MGAT4C: variants seen among roughly 807,000 people sequenced by gnomAD.
The protein encoded by MGAT4C is MGAT4 family member C, also known as alpha-1,3-mannosyl-glycoprotein 4-beta-N-acetylglucosaminyltransferase C.
In MGAT4C, 19 loss-of-function variants were observed where a neutral mutation model predicts 40.1. That is an observed-to-expected ratio of 0.47 (90% CI 0.33 to 0.70). The LOEUF is 0.70. Among genes scored for constraint, MGAT4C ranks in the 30% least tolerant of loss-of-function variants. The pLI is 0.02. For synonymous variants in MGAT4C, 181 were observed against 187.1 expected (o/e 0.97, Z 0.27); for missense variants, 491 against 563.2 (o/e 0.87, Z 1.30).
intron 2 of MGAT4C, among the ~76,000 whole-genome samples, chr12:86,724,615 G>A (rs1275575747): frequency 6.6e-6 from 1 of 152,034 alleles, no homozygotes; most frequent in African/African-American, 2.4e-5. Flanking sequence ...GTGACATATT[G>A]GTTCATTCAT....
rs1457735654 is a variant in MGAT4C, at chr12:86,573,718, T to C, written c.-228-138453A>G. ...AGCAATATCTGTTTTAATTTAGGTG[T>C]TCTGGAAAAGAGTTCCTCAAGTGCA... On this transcript the variant is annotated intron_variant, in intron 2 of 7. Coordinates refer to the MGAT4C transcript ENST00000548651. Among the ~76,000 whole-genome samples, 11 of 152,086 alleles carry C rather than the reference T, an allele frequency of 7.2e-5. No individual in the cohort carries two copies. In the East Asian group the frequency reaches 1.4e-3, roughly 19 times the overall value.
At chr12:86,657,665 T>A (rs550242042) in intron 2 of MGAT4C, among the ~76,000 whole-genome samples, 1 of 151,818 alleles carries the variant, frequency 6.6e-6, no homozygotes, top group Non-Finnish European at 1.5e-5. Context: ...ATAACTAGCA[T>A]GGGAGCAATT....
Position 86,378,662 on chromosome 12 carries a change from C to T in MGAT4C, c.-119-44535G>A, listed in dbSNP as rs1018835607. Among the ~76,000 whole-genome samples the T allele has an allele frequency of 4.6e-5, 7 of 152,038 alleles. No homozygotes were observed. In the South Asian group the frequency reaches 8.3e-4, roughly 18 times the overall value. ...ACAGAAAGTTTGAATTATAGAGATC[C>T]GAATTCAATATGATTTATTTACAGG... On this transcript the variant is annotated intron_variant, in intron 3 of 7. Coordinates refer to the MGAT4C transcript ENST00000548651.
Position 86,528,579 on chromosome 12 carries a change from T to G in MGAT4C, c.-228-93314A>C, listed in dbSNP as rs138594972. On this transcript the variant is annotated intron_variant, in intron 2 of 7. Transcript: ENST00000548651. ...TATTAATATTAAAGTGTTGTATATT[T>G]TGCTGATGACTGGTAGAAAATTAAT... Among the ~76,000 whole-genome samples the G allele has an allele frequency of 3.2e-3, 493 of 152,202 alleles. 5 individuals carry two copies. The highest frequency in any genetic ancestry group is 0.011 in the African/African-American group (464 of 41,580).
chr12:86,321,852 ACCCAGGCAT>A (rs1954397282), intron 4 of MGAT4C, among the ~76,000 whole-genome samples: 1 of 152,118 alleles, frequency 6.6e-6, no homozygotes, highest in South Asian at 2.1e-4. Flanking sequence ...ATACCATTTG[ACCCAGGCAT>A]CCCATTACTG....
chr12:86,423,322 C>T (rs1432022479), intron 3 of MGAT4C, among the ~76,000 whole-genome samples: 1 of 151,330 alleles, frequency 6.6e-6, no homozygotes, highest in South Asian at 2.1e-4. Flanking sequence ...TTATTATTGT[C>T]ATTTAACATA....
chr12:86,552,540 CAAAG>C (rs1337105085), intron 2 of MGAT4C, among the ~76,000 whole-genome samples: 2 of 151,818 alleles, frequency 1.3e-5, no homozygotes, highest in African/African-American at 4.8e-5. Flanking sequence ...TTTCTGAACA[CAAAG>C]AAATAATAAA....
chr12:86,295,374 C>T (rs1472308030), intron 4 of MGAT4C, among the ~76,000 whole-genome samples: 2 of 152,152 alleles, frequency 1.3e-5, no homozygotes. Context: ...CAGACCCTCG[C>T]GGTGAGTGTT....
chr12:86,757,331 G>A (rs978262787), intron 1 of MGAT4C, among the ~76,000 whole-genome samples: 1 of 151,990 alleles, frequency 6.6e-6, no homozygotes, highest in African/African-American at 2.4e-5. Context: ...AAAACTGCAC[G>A]TTCTGCATAT....
At chr12:86,363,954 A>ACTCTCTCTCT (rs762469045) in intron 3 of MGAT4C, among the ~76,000 whole-genome samples, 40 of 99,416 alleles carry the variant, frequency 4.0e-4, no homozygotes, top group African/African-American at 1.4e-3. Flanking sequence ...TCTCTTTCTC[A>ACTCTCTCTCT]CTCTCTCTCT....
chr12:86,223,072 C>A (rs755927752), intron 1 of MGAT4C, among the ~76,000 whole-genome samples: 1 of 152,192 alleles, frequency 6.6e-6, no homozygotes, highest in South Asian at 2.1e-4. Flanking sequence ...GGCATCCGAA[C>A]CCTGAGCAGG....
intron 3 of MGAT4C, among the ~76,000 whole-genome samples, chr12:86,359,520 CA>C (rs1955404859): frequency 1.3e-5 from 2 of 151,674 alleles, no homozygotes; most frequent in South Asian, 4.2e-4. Flanking sequence ...AAAAACCCTT[CA>C]AAAAATCAAT....
chr12:86,790,686 A>C (rs890033806), intron 1 of MGAT4C, among the ~76,000 whole-genome samples: 3 of 152,126 alleles, frequency 2.0e-5, no homozygotes, highest in Non-Finnish European at 4.4e-5. Flanking sequence ...GAGAAACCTA[A>C]GCCACAGAGA....
chr12:86,756,955 T>A (rs1378671787), intron 1 of MGAT4C, among the ~76,000 whole-genome samples: 2 of 152,130 alleles, frequency 1.3e-5, no homozygotes, highest in Non-Finnish European at 2.9e-5. Context: ...CAAATCAAAT[T>A]AAATTACATT....
At chr12:86,652,795 A>G (rs1350427792) in intron 2 of MGAT4C, among the ~76,000 whole-genome samples, 2 of 151,956 alleles carry the variant, frequency 1.3e-5, no homozygotes, top group Non-Finnish European at 2.9e-5. Flanking sequence ...TGCTCTGCAA[A>G]TGTACATTTC....
chr12:86,580,375 T>C (rs759489619), intron 2 of MGAT4C, among the ~76,000 whole-genome samples: 2 of 151,526 alleles, frequency 1.3e-5, no homozygotes, highest in African/African-American at 2.4e-5. Context: ...ATTTTCTCTC[T>C]TTAGTCTAAC....
intron 2 of MGAT4C, among the ~76,000 whole-genome samples, chr12:86,029,005 G>C (rs1280393306): frequency 1.3e-5 from 2 of 151,774 alleles, no homozygotes; most frequent in Admixed American, 1.3e-4. Context: ...TTATTATCGA[G>C]ATGGTCTTTT....
intron 1 of MGAT4C, among the ~76,000 whole-genome samples, chr12:86,076,634 G>A (rs1207234224): frequency 6.6e-6 from 1 of 152,136 alleles, no homozygotes; most frequent in African/African-American, 2.4e-5. Context: ...TTCTTACAGG[G>A]CGGTGGCAAG....
At chr12:86,200,950 G>A (rs187046016) in intron 1 of MGAT4C, among the ~76,000 whole-genome samples, 170 of 152,240 alleles carry the variant, frequency 1.1e-3, no homozygotes, top group African/African-American at 2.8e-3. Context: ...GAAGGCAGCC[G>A]TCTACAAGCC....
Sources: gnomAD v4.1 joint callset for allele counts (sites outside exome capture counted in the v4.1 genomes callset) on GRCh38, gnomAD v4.1.1 for gene constraint, MANE v1.5 for transcripts, NCBI Gene and HGNC (gene_info 2026-07-23, HGNC 2026-07-21) for gene names.